Variants in IMPG1 observed in about 807,000 individuals in gnomAD.
IMPG1 encodes the protein interphotoreceptor matrix proteoglycan 1, also known as interphotoreceptor matrix proteoglycan of 150 kDa.
IMPG1 carries 85 observed loss-of-function variants against 92.0 expected under a neutral mutation model. The observed-to-expected ratio is 0.92, with a 90% confidence interval of 0.78 to 1.11. The LOEUF (loss-of-function observed/expected upper bound fraction) is 1.11, where lower values mean the gene tolerates loss of function less well. IMPG1 is among the 50% of genes least tolerant of loss of function. The pLI is 0.00. For synonymous variants in IMPG1, 367 were observed against 334.1 expected, an observed-to-expected ratio of 1.10 and a Z score of -1.08; for missense variants, 1,022 against 956.0, an observed-to-expected ratio of 1.07 and a Z score of -0.91.
rs756107174 is a variant in IMPG1 at position 75,931,093 on chromosome 6, C to T, written c.2103G>A (p.Lys701=). 1 of 1,614,190 alleles carries T rather than the reference C, an allele frequency of 6.2e-7. No individual in the cohort carries two copies. Among genetic ancestry groups the T allele is most frequent in the Non-Finnish European group, 8.5e-7 (1 of 1,180,034 alleles). Residue 701 remains lysine (K), a synonymous_variant, in exon 15 of 17, where the codon AAG becomes AAA. Coordinates refer to ENST00000369950, the MANE Select transcript of IMPG1 (RefSeq NM_001563.4). ...LACGEFAQCV[K]NERTEEAECR... The stretch of plus-strand genomic sequence containing the variant: ...ACTCCGCTTCCTCAGTCCGTTCGTT[C>T]TTTACACATTGGGCAAATTCGCCGC...
At chr6:75,996,498 A>C (rs1464802832) in intron 12 of IMPG1, among the ~76,000 whole-genome samples, 2 of 152,206 alleles carry the variant, frequency 1.3e-5, no homozygotes, top group East Asian at 3.8e-4. Context: ...ATCTCTGTTC[A>C]GTATAATGTT....
At chr6:76,002,457 C>T (rs1389003991) in intron 12 of IMPG1, among the ~76,000 whole-genome samples, 1 of 152,196 alleles carries the variant, frequency 6.6e-6, no homozygotes, top group Admixed American at 6.5e-5. Flanking sequence ...TGTAGCAGAA[C>T]AGCCTGTATC....
intron 12 of IMPG1, among the ~76,000 whole-genome samples, chr6:75,952,674 A>G (rs1255257928): frequency 6.6e-6 from 1 of 152,182 alleles, no homozygotes; most frequent in Non-Finnish European, 1.5e-5. Context: ...TTCGGGCTCT[A>G]ATCCCCAATG....
chr6:75,947,009 A>G (rs1278252631), intron 14 of IMPG1, among the ~76,000 whole-genome samples: 2 of 152,176 alleles, frequency 1.3e-5, no homozygotes, highest in Non-Finnish European at 2.9e-5. Flanking sequence ...TGTGGGCTAC[A>G]TTAAAAAAAA....
intron 1 of IMPG1, among the ~76,000 whole-genome samples, chr6:76,043,874 C>T (rs1005619404): frequency 6.6e-6 from 1 of 152,186 alleles, no homozygotes; most frequent in African/African-American, 2.4e-5. Flanking sequence ...ATCAAATTCC[C>T]CTGATGATGG....
chr6:75,933,970 T>A (rs749842770), intron 14 of IMPG1, among the ~76,000 whole-genome samples: 6 of 152,248 alleles, frequency 3.9e-5, no homozygotes, highest in Admixed American at 2.0e-4. Context: ...TTAACATTCA[T>A]ATCTGTTTAC....
At chr6:75,935,435 A>C (rs1781729029) in intron 14 of IMPG1, among the ~76,000 whole-genome samples, 1 of 152,222 alleles carries the variant, frequency 6.6e-6, no homozygotes, top group South Asian at 2.1e-4. Context: ...ACAAAGCTTC[A>C]CGCCTGAACA....
intron 14 of IMPG1, among the ~76,000 whole-genome samples, chr6:75,939,246 C>T (rs565728069): frequency 1.3e-3 from 202 of 152,196 alleles, no homozygotes; most frequent in Non-Finnish European, 2.5e-3. Flanking sequence ...ATGTGCACAA[C>T]GTGCAGGTTT....
At chr6:75,942,541 T>C (rs185010841) in intron 14 of IMPG1, among the ~76,000 whole-genome samples, 1 of 152,248 alleles carries the variant, frequency 6.6e-6, no homozygotes, top group African/African-American at 2.4e-5. Context: ...GGAATTTGAG[T>C]CCTTCTTTTC....
chr6:76,067,247 A>G (rs1784325098), intron 1 of IMPG1, among the ~76,000 whole-genome samples: 1 of 152,116 alleles, frequency 6.6e-6, no homozygotes. Context: ...ATGAAATGAA[A>G]AGTTGTTTCT....
rs58515150 is a variant in IMPG1 at position 75,981,238 on chromosome 6, C to T, written c.1291+21680G>A. 9.1e-3 allele frequency among the ~76,000 whole-genome samples: 1,383 copies of T among 152,144 alleles called. 27 individuals carry two copies. Among genetic ancestry groups the T allele is most frequent in the African/African-American group, 0.032 (1,309 of 41,488 alleles). The stretch of plus-strand genomic sequence containing the variant: ...CCACACAAACATTCTATGCTTAATA[C>T]CAAAATCTAGTAAAGTCCATAAAGA... On this transcript the variant is annotated intron_variant, in intron 12 of 16. Coordinates refer to ENST00000369950, the MANE Select transcript of IMPG1 (RefSeq NM_001563.4).
At position 75,993,479 on chromosome 6, in the gene IMPG1, AGAGAGAAAGG is replaced by A. The variant is rs200632160; in HGVS notation, c.1291+9429_1291+9438del. On this transcript the variant is annotated intron_variant, in intron 12 of 16. Coordinates refer to ENST00000369950, the MANE Select transcript of IMPG1 (RefSeq NM_001563.4). ...GGCGGAAAAGGAGAGAGAGAAAGAG[AGAGAGAAAGG>A]GAGAGAAAGGGAGAGAGAGAGAAAG... 9.6e-3 allele frequency among the ~76,000 whole-genome samples: 1,459 copies of A among 152,094 alleles called. 14 individuals are homozygous for A. The highest frequency in any genetic ancestry group is 0.033 in the African/African-American group (1,377 of 41,468).
At chr6:76,035,948 T>TGACAG (rs1783735545) in intron 2 of IMPG1, among the ~76,000 whole-genome samples, 1 of 152,218 alleles carries the variant, frequency 6.6e-6, no homozygotes, top group East Asian at 1.9e-4. Context: ...CCTAATAGGT[T>TGACAG]GACAGCTGAT....
chr6:76,048,425 A>T (rs951074282), intron 1 of IMPG1, among the ~76,000 whole-genome samples: 11 of 152,174 alleles, frequency 7.2e-5, no homozygotes, highest in African/African-American at 2.4e-4. Context: ...CTTCCCAAGC[A>T]TCCAGCACAG....
At chr6:75,973,240 A>G (rs1359377114) in intron 12 of IMPG1, among the ~76,000 whole-genome samples, 2 of 152,150 alleles carry the variant, frequency 1.3e-5, no homozygotes, top group Non-Finnish European at 2.9e-5. Flanking sequence ...TCGGCCTCCC[A>G]AAGTGTCCGG....
At position 75,924,742 on chromosome 6, in the gene IMPG1, A is replaced by ATATAATTATATATTATATATAATATAATT. The variant is rs1562335434; in HGVS notation, c.2244-1037_2244-1036insAATTATATTATATATAATATATAATTATA. On this transcript the variant is annotated intron_variant, in intron 15 of 16. Coordinates refer to ENST00000369950, the MANE Select transcript of IMPG1 (RefSeq NM_001563.4). ...TATAATATAATTATATATAATATAT[A>ATATAATTATATATTATATATAATATAATT]ATATATAATATATCATATAATTATA... is the stretch of plus-strand genomic sequence containing the variant. Among the ~76,000 whole-genome samples, 3 of 59,098 alleles carry ATATAATTATATATTATATATAATATAATT rather than the reference A, an allele frequency of 5.1e-5. 1 individual carries two copies. The highest frequency in any genetic ancestry group is 8.8e-5 in the Non-Finnish European group (3 of 34,250). 38.8% of individuals were successfully genotyped at this position (59,098 alleles called of 152,430 possible).
rs1248462068 is a variant in IMPG1, at chr6:75,923,675, T to G, written c.2275A>C (p.Lys759Gln). Residue 759 changes from lysine to glutamine, a missense_variant, in exon 16 of 17, where the codon AAA (lysine) becomes CAA (glutamine). Around this residue, in one of 3 missense-constraint regions of IMPG1, gnomAD observed 332 missense variants for 346.2 expected, o/e 0.96. Coordinates refer to ENST00000369950, the MANE Select transcript of IMPG1 (RefSeq NM_001563.4). ...LPDHSENQAY[K>Q]TSVKKFQNQQ... ...TTTTGGAACTTTTTAACACTAGTTTTGTATGCTTGATTTTCAGAGTGATCT... is the reference window on the plus strand; with the variant it reads ...TTTTGGAACTTTTTAACACTAGTTTGGTATGCTTGATTTTCAGAGTGATCT... The G allele has an allele frequency of 1.3e-6, 2 of 1,597,284 alleles. No homozygotes were observed. The highest frequency in any genetic ancestry group is 2.2e-5 in the South Asian group (2 of 90,330).
chr6:75,956,462 CTCTG>C (rs768808732), intron 12 of IMPG1, among the ~76,000 whole-genome samples: 10 of 152,058 alleles, frequency 6.6e-5, no homozygotes, highest in Admixed American at 3.3e-4. Flanking sequence ...GCATTTTTTA[CTCTG>C]TCTATTTGAT....
intron 15 of IMPG1, among the ~76,000 whole-genome samples, chr6:75,926,077 C>CT (rs1781544453): frequency 6.6e-6 from 1 of 152,234 alleles, no homozygotes; most frequent in African/African-American, 2.4e-5. Context: ...GATTTGGAGG[C>CT]TTTGAGAATG....
Sources: allele counts gnomAD v4.1 joint callset (sites outside exome capture counted in the v4.1 genomes callset), GRCh38; gene constraint gnomAD v4.1.1; regional missense constraint gnomAD v4.1.1; transcripts MANE v1.5; gene names NCBI Gene and HGNC (gene_info 2026-07-23, HGNC 2026-07-21).